Variants in RADIL observed in about 807,000 individuals in gnomAD.
The protein encoded by RADIL is ras-associating and dilute domain-containing protein.
In RADIL, 99 loss-of-function variants were observed where a neutral mutation model predicts 97.6. That is an observed-to-expected ratio of 1.01 (90% CI 0.86 to 1.20). The LOEUF (loss-of-function observed/expected upper bound fraction) is 1.20, where lower values mean the gene tolerates loss of function less well. Among genes scored for constraint, RADIL ranks in the 50% most tolerant of loss-of-function variants. RADIL has a pLI of 0.00. For missense variants in RADIL, 1,765 were observed against 1,498.9 expected (o/e 1.18, Z -2.93); for synonymous variants, 803 against 691.8 (o/e 1.16, Z -2.52).
rs1040800580 is a variant in RADIL at position 4,818,817 on chromosome 7, C to T, written c.1616-1466G>A. Among the ~76,000 whole-genome samples the T allele has an allele frequency of 2.0e-5, 3 of 152,116 alleles. No homozygotes were observed. The highest frequency in any genetic ancestry group is 4.8e-5 in the African/African-American group (2 of 41,414). On this transcript the variant is annotated intron_variant, in intron 6 of 14. Coordinates refer to ENST00000399583, the MANE Select transcript of RADIL (RefSeq NM_018059.5). This position sits in a 1 kb window ranked among gnomAD's most constrained non-coding sequence, Gnocchi z 7.1. ...CGGGGCACTGGTGGGAAGAGGGAAA[C>T]GGGGCATGGGAATGACAGGAGAAGG...
rs1442313317 is a variant in RADIL at position 4,799,372 on chromosome 7, G to GC, written c.*5dup. On this transcript the variant is annotated 3_prime_UTR_variant, in exon 15 of 15. Transcript: ENST00000399583. The stretch of plus-strand genomic sequence containing the variant: ...CCGGGCCTGTGGGGGTGTCCTCGCA[G>GC]CCCCCCTAGAGAGGGGGCGTGCGGA... The GC allele has an allele frequency of 1.2e-5, 20 of 1,612,632 alleles. No individual in the cohort carries two copies. Among genetic ancestry groups the GC allele is most frequent in the Non-Finnish European group, 1.6e-5 (19 of 1,179,264 alleles).
chr7:4,847,294 T>C (rs1201702723), intron 2 of RADIL, among the ~76,000 whole-genome samples: 1 of 152,142 alleles, frequency 6.6e-6, no homozygotes, highest in East Asian at 1.9e-4. Context: ...GCACTGCAAC[T>C]GGGCAACAGA....
chr7:4,809,261 C>A, intron 9 of RADIL: 1 of 985,340 alleles, frequency 1.0e-6, no homozygotes, highest in Non-Finnish European at 1.2e-6. Flanking sequence ...CCAAGCTGGG[C>A]GAGAGGCCGG....
rs575942042 is a variant in RADIL at position 4,863,246 on chromosome 7, T to C, written c.535+14359A>G. 5.2e-5 allele frequency among the ~76,000 whole-genome samples: 8 copies of C among 152,386 alleles called. No individual in the cohort carries two copies. In the South Asian group the frequency reaches 1.7e-3, roughly 32 times the overall value. ...TATTTTGTTCTTTTCCAAGCTTCTC[T>C]GCCTTTTAGATGGCATTCTGTTCTT... On this transcript the variant is annotated intron_variant, in intron 2 of 14. Transcript: ENST00000399583.
At chr7:4,833,329 C>T (rs1044439823) in intron 4 of RADIL, among the ~76,000 whole-genome samples, 6 of 152,182 alleles carry the variant, frequency 3.9e-5, no homozygotes, top group African/African-American at 7.2e-5. Flanking sequence ...AATGATCGTG[C>T]GAAAACCCAT....
At chr7:4,833,117 G>C (rs1419957492) in intron 4 of RADIL, among the ~76,000 whole-genome samples, 1 of 152,138 alleles carries the variant, frequency 6.6e-6, no homozygotes. Context: ...GAGTGGGCCA[G>C]CCACACAGCG....
In RADIL at chr7:4,872,605, G is replaced by C. The variant is rs1256690652; in HGVS notation, c.535+5000C>G. On this transcript the variant is annotated intron_variant, in intron 2 of 14. Transcript: ENST00000399583. The surrounding 1 kb of genome is among the most constrained non-coding windows in gnomAD (Gnocchi z 5.8). ...ACAGCCTTCTAGGAAAGGGGAGTGA[G>C]AGCCACTTCCAGCCCGGCCATACCT... is the stretch of plus-strand genomic sequence containing the variant. 1.3e-5 allele frequency among the ~76,000 whole-genome samples: 2 copies of C among 152,030 alleles called. No individual in the cohort carries two copies. Among genetic ancestry groups the C allele is most frequent in the African/African-American group, 4.8e-5 (2 of 41,382 alleles).
chr7:4,831,883 A>AAAAC (rs1783151883), intron 5 of RADIL, among the ~76,000 whole-genome samples: 1 of 152,062 alleles, frequency 6.6e-6, no homozygotes, highest in African/African-American at 2.4e-5. Context: ...CAAACAAAAC[A>AAAAC]AAACAAAACA....
rs1782680538 is a variant in RADIL, at chr7:4,816,457, G to A, written c.1737C>T (p.Tyr579=). 1.9e-6 allele frequency: 3 copies of A among 1,605,300 alleles called. No homozygotes were observed. The highest frequency in any genetic ancestry group is 2.6e-6 in the Non-Finnish European group (3 of 1,175,774). The change falls in exon 8 of 15, where the codon TAC becomes TAT. Residue 579 remains tyrosine (Y), a synonymous_variant. Transcript: ENST00000399583. Reference sequence around the variant, plus strand: ...ACTCCAGGAGTGCCGGGAGGCAGATGTACAGGGACTGGCGGGGGCAAGAGG... The same window carrying A: ...ACTCCAGGAGTGCCGGGAGGCAGATATACAGGGACTGGCGGGGGCAAGAGG... ...QCVYYVSKSL[Y]ICLPALLECP... is the part of the protein sequence containing the mutation.
Position 4,842,464 on chromosome 7 carries a change from G to A in RADIL, c.536-5859C>T, listed in dbSNP as rs1300533072. Among the ~76,000 whole-genome samples the A allele has an allele frequency of 2.0e-5, 3 of 152,134 alleles. No homozygotes were observed. Among genetic ancestry groups the A allele is most frequent in the African/African-American group, 4.8e-5 (2 of 41,428 alleles). Reference sequence around the variant, plus strand: ...TCTAGGCCACCCCCCTCCCCTCCTCGAGAAGGCAGTGCCTAGTGACCCGCT... The same window carrying A: ...TCTAGGCCACCCCCCTCCCCTCCTCAAGAAGGCAGTGCCTAGTGACCCGCT... On this transcript the variant is annotated intron_variant, in intron 2 of 14. Transcript: ENST00000399583. This position sits in a 1 kb window ranked among gnomAD's most constrained non-coding sequence, Gnocchi z 4.5.
chr7:4,808,731 C>T (rs1410548323), intron 9 of RADIL: 1 of 956,614 alleles, frequency 1.0e-6, no homozygotes, highest in African/African-American at 2.0e-5. Flanking sequence ...AACGCCACTG[C>T]CCCTCCGCGT....
At chr7:4,881,591 G>A (rs941237460) in intron 1 of RADIL, among the ~76,000 whole-genome samples, 8 of 151,670 alleles carry the variant, frequency 5.3e-5, no homozygotes, top group African/African-American at 1.9e-4. Context: ...GCTGGGCATG[G>A]TGGCGGGTGC....
chr7:4,845,831 T>C (rs187368198), intron 2 of RADIL, among the ~76,000 whole-genome samples: 165 of 152,314 alleles, frequency 1.1e-3, no homozygotes, highest in Non-Finnish European at 1.8e-3. Context: ...CTTAAGCCAT[T>C]TGTTAGGCAG....
chr7:4,803,178 G>T (rs1290667082), intron 11 of RADIL, among the ~76,000 whole-genome samples: 4 of 61,898 alleles, frequency 6.5e-5, no homozygotes, highest in African/African-American at 2.6e-4. Flanking sequence ...CTCGGGGCAC[G>T]CTGGCTGGGG....
Position 4,803,755 on chromosome 7 carries a change from C to T in RADIL, c.2291-1G>A, listed in dbSNP as rs1274447818. Reference sequence around the variant, plus strand: ...TTTTCGTAGGACTCCAGAACATCCTCTGCAGGGGAGAGAGGATGCCCGTAA... The same window carrying T: ...TTTTCGTAGGACTCCAGAACATCCTTTGCAGGGGAGAGAGGATGCCCGTAA... On this transcript the variant is annotated splice_acceptor_variant, in intron 10 of 14. Transcript: ENST00000399583. LOFTEE classifies it high-confidence loss of function. The T allele has an allele frequency of 3.9e-6, 6 of 1,558,016 alleles. No homozygotes were observed. The highest frequency in any genetic ancestry group is 5.2e-6 in the Non-Finnish European group (6 of 1,151,230).
In RADIL at chr7:4,805,619, G is replaced by A; in HGVS notation, c.2237C>T (p.Pro746Leu). The A allele has an allele frequency of 6.2e-7, 1 of 1,611,784 alleles. No individual in the cohort carries two copies. Among genetic ancestry groups the A allele is most frequent in the Non-Finnish European group, 8.5e-7 (1 of 1,179,824 alleles). ...GGCCCCTGGCTCCCAGGTGCTCATG[G>A]GGCCCATGGCCGAGGCCAGCTGGTA... ...THYQLASAMG[P>L]MSTWEPGAQD... is the part of the protein sequence containing the mutation. The change falls in exon 10 of 15, where the codon CCC (proline) becomes CTC (leucine). Residue 746 changes from proline (P) to leucine (L), a missense_variant. Transcript: ENST00000399583.
chr7:4,875,401 A>G (rs1223483012), intron 2 of RADIL, among the ~76,000 whole-genome samples: 1 of 152,008 alleles, frequency 6.6e-6, no homozygotes, highest in African/African-American at 2.4e-5. Flanking sequence ...TCAAAAAAAA[A>G]AAAAGAAGCA....
At position 4,824,458 on chromosome 7, in the gene RADIL, CCT is replaced by C. The variant is rs919067229; in HGVS notation, c.1455-1906_1455-1905del. 2.0e-5 allele frequency among the ~76,000 whole-genome samples: 3 copies of C among 152,312 alleles called. No individual in the cohort carries two copies. The highest frequency in any genetic ancestry group is 6.5e-5 in the Admixed American group (1 of 15,300). ...GAGGGCATCTGGGAAGGGCTGAGGC[CCT>C]GTTTTCCTCCCTGTTCTTTCCCCAG... On this transcript the variant is annotated intron_variant, in intron 5 of 14. Coordinates refer to ENST00000399583, the MANE Select transcript of RADIL (RefSeq NM_018059.5). This position sits in a 1 kb window ranked among gnomAD's most constrained non-coding sequence, Gnocchi z 6.7.
chr7:4,814,629 A>T lies in RADIL; in HGVS notation c.2139+649T>A, dbSNP rs1008672729. ...ATGTCGGTTTCCCATTGCCGTTGTG[A>T]CAAATGCCCACACGCCTGGCGGTCA... On this transcript the variant is annotated intron_variant, in intron 9 of 14. Coordinates refer to ENST00000399583, the MANE Select transcript of RADIL (RefSeq NM_018059.5). The surrounding 1 kb of genome is among the most constrained non-coding windows in gnomAD (Gnocchi z 4.5). 1.4e-4 allele frequency among the ~76,000 whole-genome samples: 22 copies of T among 152,100 alleles called. No homozygotes were observed. The highest frequency in any genetic ancestry group is 2.9e-5 in the Non-Finnish European group (2 of 68,016).
Sources: gnomAD v4.1 joint callset for allele counts (sites outside exome capture counted in the v4.1 genomes callset) on GRCh38, gnomAD v4.1.1 for gene constraint, Gnocchi (gnomAD v3.1) non-coding constraint, MANE v1.5 for transcripts, NCBI Gene and HGNC (gene_info 2026-07-23, HGNC 2026-07-21) for gene names.